Variants in GRIN2B observed in about 807,000 individuals in gnomAD.
GRIN2B encodes glutamate receptor ionotropic, NMDA 2B.
Under a neutral mutation model 114.5 loss-of-function variants are expected in GRIN2B, and 5 were observed. The observed-to-expected ratio is 0.04, with a 90% CI of 0.02 to 0.09. The LOEUF (loss-of-function observed/expected upper bound fraction) is 0.09. Ranked by LOEUF, GRIN2B falls within the 10% of genes least tolerant of loss-of-function variation. The pLI is 1.00. For missense variants in GRIN2B, 1,108 were observed against 1,943.5 expected, an observed-to-expected ratio of 0.57 and a Z score of 8.08; for synonymous variants, 787 against 745.1, an observed-to-expected ratio of 1.06 and a Z score of -0.92.
intron 4 of GRIN2B, among the ~76,000 whole-genome samples, chr12:13,730,770 A>G (rs1332665537): frequency 6.6e-6 from 1 of 152,224 alleles, no homozygotes; most frequent in Non-Finnish European, 1.5e-5. Flanking sequence ...GAGCAGAATA[A>G]TTAAAAAACT....
At position 13,948,899 on chromosome 12, in the gene GRIN2B, C is replaced by A. The variant is rs188381587; in HGVS notation, c.-19+31029G>T. Among the ~76,000 whole-genome samples, 733 of 152,256 alleles carry A rather than the reference C, an allele frequency of 4.8e-3. 7 individuals are homozygous for A. The highest frequency in any genetic ancestry group is 0.014 in the Middle Eastern group (4 of 294). ...CTGATGGGCAGCCACTCAGAAAACC[C>A]AGGAACCACAAACTCACCAGACTAC... On this transcript the variant is annotated intron_variant, in intron 2 of 13. Coordinates refer to ENST00000609686, the MANE Select transcript of GRIN2B (RefSeq NM_000834.5).
At chr12:13,968,907 A>G (rs1867833060) in intron 2 of GRIN2B, among the ~76,000 whole-genome samples, 1 of 152,246 alleles carries the variant, frequency 6.6e-6, no homozygotes, top group Non-Finnish European at 1.5e-5. Flanking sequence ...TGAGAAAGAA[A>G]TAGATGCAAG....
chr12:13,882,253 C>A (rs1246647157), intron 2 of GRIN2B, among the ~76,000 whole-genome samples: 2 of 152,054 alleles, frequency 1.3e-5, no homozygotes, highest in African/African-American at 4.8e-5. Flanking sequence ...GAGAGCTTTC[C>A]CAAGAGATCT....
intron 10 of GRIN2B, among the ~76,000 whole-genome samples, chr12:13,590,174 A>C (rs920753462): frequency 1.3e-5 from 2 of 152,030 alleles, no homozygotes; most frequent in Non-Finnish European, 2.9e-5. Flanking sequence ...CTTTGGCAAT[A>C]TATGCCATGC....
At chr12:13,752,055 T>A (rs1423188439) in intron 4 of GRIN2B, among the ~76,000 whole-genome samples, 1 of 152,202 alleles carries the variant, frequency 6.6e-6, no homozygotes, top group Non-Finnish European at 1.5e-5. Flanking sequence ...CAGATATAAC[T>A]ACTGTGAACC....
chr12:13,755,485 A>C (rs1863560853), intron 3 of GRIN2B, among the ~76,000 whole-genome samples: 1 of 152,222 alleles, frequency 6.6e-6, no homozygotes, highest in Non-Finnish European at 1.5e-5. Context: ...GGTGCTCACC[A>C]GCACTCTCTT....
intron 2 of GRIN2B, among the ~76,000 whole-genome samples, chr12:13,886,715 G>A (rs1866164828): frequency 6.6e-6 from 1 of 152,062 alleles, no homozygotes; most frequent in Non-Finnish European, 1.5e-5. Flanking sequence ...TCCTCTTGAG[G>A]GCCATACTCC....
At chr12:13,897,990 T>TAATAAATAAATAAATAAATA (rs58807255) in intron 2 of GRIN2B, among the ~76,000 whole-genome samples, 3 of 144,670 alleles carry the variant, frequency 2.1e-5, no homozygotes, top group East Asian at 2.0e-4. Context: ...TAAAGTATAA[T>TAATAAATAAATAAATAAATA]AATAAATAAA....
chr12:13,823,425 C>T (rs971646596), intron 3 of GRIN2B, among the ~76,000 whole-genome samples: 7 of 152,068 alleles, frequency 4.6e-5, no homozygotes, highest in African/African-American at 1.7e-4. Flanking sequence ...TTTGATGCTA[C>T]TATAAATAGT....
intron 2 of GRIN2B, among the ~76,000 whole-genome samples, chr12:13,976,679 A>G (rs1863026698): frequency 6.6e-6 from 1 of 151,976 alleles, no homozygotes; most frequent in Non-Finnish European, 1.5e-5. Context: ...TAGTCCATCA[A>G]TATTATTTAT....
At chr12:13,859,690 T>G (rs552871150) in intron 3 of GRIN2B, among the ~76,000 whole-genome samples, 1 of 152,328 alleles carries the variant, frequency 6.6e-6, no homozygotes, top group South Asian at 2.1e-4. Flanking sequence ...AGTCCCACTA[T>G]TGTTGTAGAT....
intron 2 of GRIN2B, among the ~76,000 whole-genome samples, chr12:13,904,571 TCACTC>T (rs1411797426): frequency 6.6e-6 from 1 of 152,120 alleles, no homozygotes; most frequent in African/African-American, 2.4e-5. Flanking sequence ...CACTTGCTCT[TCACTC>T]CATCTTGCAT....
chr12:13,547,977 A>ATTTT lies in GRIN2B; in HGVS notation c.*14805_*14806insAAAA, dbSNP rs201147007. On this transcript the variant is annotated 3_prime_UTR_variant, in exon 14 of 14. Transcript: ENST00000609686. ...TGTGTGTGTATATATATATATATAT[A>ATTTT]TATATTTTTTTTTTTTTTCTGAAAG... 3.0e-4 allele frequency: 17 copies of ATTTT among 57,378 alleles called. No individual in the cohort carries two copies. The highest frequency in any genetic ancestry group is 7.5e-4 in the South Asian group (1 of 1,338). 3.6% of individuals were successfully genotyped at this position (57,378 alleles called of 1,614,324 possible).
intron 4 of GRIN2B, among the ~76,000 whole-genome samples, chr12:13,706,769 A>G (rs928976803): frequency 6.6e-6 from 1 of 152,146 alleles, no homozygotes; most frequent in Non-Finnish European, 1.5e-5. Context: ...ACACAGCTAC[A>G]GGGACAAAAC....
In GRIN2B at chr12:13,553,479, G is replaced by A. The variant is rs1344232597; in HGVS notation, c.*9304C>T. ...CTGTAGACAAAGCCTCAGAAAGGGTGAGAAGCCAAAGAACTCAGGAAAGAA... is the reference window on the plus strand; with the variant it reads ...CTGTAGACAAAGCCTCAGAAAGGGTAAGAAGCCAAAGAACTCAGGAAAGAA... On this transcript the variant is annotated 3_prime_UTR_variant, in exon 14 of 14. Transcript: ENST00000609686. The A allele has an allele frequency of 6.6e-6, 1 of 152,218 alleles. No homozygotes were observed. The highest frequency in any genetic ancestry group is 1.5e-5 in the Non-Finnish European group (1 of 68,052). The allele number at this position is 152,218 out of a possible 1,614,324, so 9.4% of individuals were successfully genotyped here. A position where few individuals can be genotyped will look rare whatever the true frequency, so the allele number is the denominator to read the frequency against.
intron 10 of GRIN2B, among the ~76,000 whole-genome samples, chr12:13,607,342 T>G (rs1949279808): frequency 2.0e-5 from 1 of 50,468 alleles, no homozygotes. Flanking sequence ...ATATTATATA[T>G]AATATATAAA....
intron 3 of GRIN2B, among the ~76,000 whole-genome samples, chr12:13,823,434 G>A (rs1864974441): frequency 6.6e-6 from 1 of 151,888 alleles, no homozygotes; most frequent in African/African-American, 2.4e-5. Flanking sequence ...ACTATAAATA[G>A]TATTTTATTT....
chr12:13,787,693 C>T (rs1308334211), intron 3 of GRIN2B, among the ~76,000 whole-genome samples: 1 of 152,218 alleles, frequency 6.6e-6, no homozygotes, highest in Non-Finnish European at 1.5e-5. Flanking sequence ...ATCCATGTAA[C>T]AAACTCAGAG....
At chr12:13,831,834 A>G (rs370804734) in intron 3 of GRIN2B, among the ~76,000 whole-genome samples, 3 of 152,352 alleles carry the variant, frequency 2.0e-5, no homozygotes, top group Admixed American at 2.0e-4. Context: ...TGTTCTTAAG[A>G]GAAACAAATC....
Sources: allele counts gnomAD v4.1 joint callset (sites outside exome capture counted in the v4.1 genomes callset), GRCh38; gene constraint gnomAD v4.1.1; transcripts MANE v1.5; gene names NCBI Gene and HGNC (gene_info 2026-07-23, HGNC 2026-07-21).